The following SLC28A1 variants were observed in gnomAD, a reference collection of about 807,000 sequenced individuals.
SLC28A1 encodes the protein sodium/nucleoside cotransporter 1.
Under a neutral mutation model 74.8 loss-of-function variants are expected in SLC28A1, and 64 were observed. The ratio of observed to expected loss-of-function variants is 0.86; its 90% CI spans 0.70 to 1.05. The LOEUF is 1.05. SLC28A1 is among the 50% of genes least tolerant of loss of function. SLC28A1 has a pLI of 0.00. For synonymous variants in SLC28A1, 359 were observed against 335.0 expected (o/e 1.07, Z -0.78); for missense variants, 828 against 822.8 (o/e 1.01, Z -0.08).
At chr15:84,924,765 G>A (rs555279341) in intron 12 of SLC28A1, among the ~76,000 whole-genome samples, 1 of 152,248 alleles carries the variant, frequency 6.6e-6, no homozygotes, top group East Asian at 1.9e-4. Flanking sequence ...GCTTTCACAG[G>A]CAAATCTTCA....
rs1389887121 is a variant in SLC28A1 at position 84,918,583 on chromosome 15, C to T, written c.855C>T (p.Leu285=). Residue 285 remains leucine (L), a synonymous_variant, in exon 10 of 19, where the codon CTC becomes CTT. Transcript: ENST00000394573. ...TATCCGTTCTCTACCACGTGGGCCT[C>T]ATGCAGTGGGTGATCCTGAAGGTAA... ...CVISVLYHVG[L]MQWVILKIAW... is the part of the protein sequence containing the mutation. 1.2e-6 allele frequency: 2 copies of T among 1,613,628 alleles called. No homozygotes were observed. The highest frequency in any genetic ancestry group is 1.7e-5 in the Admixed American group (1 of 60,016).
chr15:84,941,318 G>C (rs1236609665), intron 15 of SLC28A1, among the ~76,000 whole-genome samples: 2 of 151,192 alleles, frequency 1.3e-5, no homozygotes, highest in Non-Finnish European at 2.9e-5. Context: ...CCATTCTCCT[G>C]CCTCAGCCTC....
At chr15:84,910,916 A>G (rs2141839227) in intron 9 of SLC28A1, among the ~76,000 whole-genome samples, 1 of 152,326 alleles carries the variant, frequency 6.6e-6, no homozygotes, top group South Asian at 2.1e-4. Flanking sequence ...AGTTTAGGAC[A>G]GAAGAGATTT....
chr15:84,966,224 C>T, the SLC28A1 span, among the ~76,000 whole-genome samples: 8 of 152,092 alleles, frequency 5.3e-5, no homozygotes, highest in African/African-American at 1.9e-4. Context: ...ATTACAGATG[C>T]CCACCACCAT....
the SLC28A1 span, chr15:84,961,657 T>C: frequency 2.2e-5 from 8 of 367,364 alleles, no homozygotes; most frequent in Non-Finnish European, 4.3e-5. Context: ...TAAATCTTGA[T>C]GGTCGTAAGA....
the SLC28A1 span, among the ~76,000 whole-genome samples, chr15:84,972,162 T>C: frequency 6.6e-6 from 1 of 152,246 alleles, no homozygotes; most frequent in Non-Finnish European, 1.5e-5. Context: ...AGAATGGCTT[T>C]TCCCTTCCTC....
At chr15:84,928,565 T>TGAGA (rs1970808217) in intron 12 of SLC28A1, among the ~76,000 whole-genome samples, 1 of 18,624 alleles carries the variant, frequency 5.4e-5, no homozygotes, top group African/African-American at 2.6e-4. Flanking sequence ...TTTCTTTCTT[T>TGAGA]CTTTCTTTCT....
the SLC28A1 span, among the ~76,000 whole-genome samples, chr15:84,951,899 A>G: frequency 7.2e-5 from 11 of 152,324 alleles, no homozygotes; most frequent in Middle Eastern, 3.4e-3. Context: ...AAGTTTTCCA[A>G]TTTAGCTTCA....
chr15:84,900,245 G>A (rs1966515975), intron 6 of SLC28A1, among the ~76,000 whole-genome samples: 1 of 151,584 alleles, frequency 6.6e-6, no homozygotes, highest in Non-Finnish European at 1.5e-5. Flanking sequence ...GACAAGAATT[G>A]CTTGAACCTG....
At chr15:84,961,672 A>G in the SLC28A1 span, 2 of 342,868 alleles carry the variant, frequency 5.8e-6, no homozygotes, top group Non-Finnish European at 1.2e-5. Context: ...GTAAGACACT[A>G]AGATTCCGAG....
intron 15 of SLC28A1, among the ~76,000 whole-genome samples, chr15:84,939,176 C>T (rs1972343657): frequency 6.6e-6 from 1 of 152,110 alleles, no homozygotes; most frequent in East Asian, 1.9e-4. Context: ...AAAAATTAGC[C>T]AGGTGTAGTG....
chr15:84,945,920 G>A (rs1341713853), downstream of SLC28A1: 3 of 151,498 alleles, frequency 2.0e-5, no homozygotes, highest in Non-Finnish European at 2.9e-5. Flanking sequence ...AGTACAGTGA[G>A]GTGATCATGG....
At chr15:84,890,777 T>C (rs112690240) in intron 5 of SLC28A1, among the ~76,000 whole-genome samples, 2,755 of 152,254 alleles carry the variant, frequency 0.018, 97 homozygotes, top group African/African-American at 0.064. Context: ...GCATGTCATC[T>C]GGGAACACCA....
At chr15:84,928,914 C>T (rs1032242398) in intron 12 of SLC28A1, among the ~76,000 whole-genome samples, 3 of 152,002 alleles carry the variant, frequency 2.0e-5, no homozygotes, top group East Asian at 2.0e-4. Context: ...TGAGCCACTG[C>T]GCCCAGCCTC....
At chr15:84,940,418 A>T (rs1972520143) in intron 15 of SLC28A1, 1 of 152,682 alleles carries the variant, frequency 6.5e-6, no homozygotes. Flanking sequence ...ATGGCCTTAC[A>T]TTTTAATTTA....
intron 6 of SLC28A1, among the ~76,000 whole-genome samples, chr15:84,900,768 A>G (rs146384362): frequency 2.0e-5 from 3 of 151,988 alleles, no homozygotes; most frequent in East Asian, 3.9e-4. Context: ...CAATATGCCT[A>G]TATGTCACTG....
chr15:84,908,672 C>G (rs1231571364), intron 8 of SLC28A1, 46 bp from the exon 9 acceptor site: 1 of 1,536,702 alleles, frequency 6.5e-7, no homozygotes, highest in Admixed American at 1.7e-5. Flanking sequence ...CTCCTCCCTT[C>G]CCAGCCTCAC....
chr15:84,955,455 A>T, the SLC28A1 span, among the ~76,000 whole-genome samples: 1 of 152,328 alleles, frequency 6.6e-6, no homozygotes, highest in Admixed American at 6.5e-5. Context: ...TAGCAAAGTC[A>T]TGATTTTTCC....
At chr15:84,921,114 C>T in intron 11 of SLC28A1, 45 bp downstream of exon 11, 1 of 1,421,814 alleles carries the variant, frequency 7.0e-7, no homozygotes. Flanking sequence ...AGCAGCTTCC[C>T]CAAAGAGGGC....
Sources: gnomAD v4.1 joint callset for allele counts (sites outside exome capture counted in the v4.1 genomes callset) on GRCh38, gnomAD v4.1.1 for gene constraint, MANE v1.5 for transcripts, NCBI Gene and HGNC (gene_info 2026-07-23, HGNC 2026-07-21) for gene names.